CMYA5: variants seen among roughly 807,000 people sequenced by gnomAD.
CMYA5 encodes the protein cardiomyopathy-associated protein 5.
Under a neutral mutation model 318.9 loss-of-function variants are expected in CMYA5, and 246 were observed. That is an observed-to-expected ratio of 0.77 (90% confidence interval 0.70 to 0.86). CMYA5 has a LOEUF of 0.86. CMYA5 is among the 40% of genes least tolerant of loss of function. The pLI is 0.00. For synonymous variants in CMYA5, 1,641 were observed against 1,729.5 expected (o/e 0.95, Z 1.27); for missense variants, 4,589 against 4,678.2 (o/e 0.98, Z 0.56).
intron 1 of CMYA5, among the ~76,000 whole-genome samples, chr5:79,724,758 T>C (rs1010486965): frequency 5.9e-5 from 9 of 152,216 alleles, no homozygotes; most frequent in African/African-American, 2.2e-4. Flanking sequence ...ATTGTTTCTT[T>C]AGACTGAGTG....
At chr5:79,766,283 A>G (rs534755009) in intron 9 of CMYA5, among the ~76,000 whole-genome samples, 1 of 152,126 alleles carries the variant, frequency 6.6e-6, no homozygotes, top group Non-Finnish European at 1.5e-5. Context: ...GGGTATTTTT[A>G]GTAGAGACGG....
intron 1 of CMYA5, among the ~76,000 whole-genome samples, chr5:79,728,443 A>G (rs547277913): frequency 2.6e-5 from 4 of 151,620 alleles, no homozygotes; most frequent in Non-Finnish European, 5.9e-5. Context: ...AGAGTGGGGG[A>G]AAATGAGGTA....
In CMYA5 at chr5:79,745,406, A is replaced by T. The variant is rs1386262780; in HGVS notation, c.10919A>T (p.Glu3640Val). The change falls in exon 4 of 13, where the codon GAG (glutamate) becomes GTG (valine). Residue 3640 changes from glutamate (E) to valine (V), a missense_variant. Physicochemically the swap from Glu to Val is moderately radical, Grantham distance 121. Transcript: ENST00000446378. ...ATGGACACTGCCAAAGACACCCTGG[A>T]GACCATCGTGAGAGAAGCAGAGGAG... ...QSMDTAKDTLETIVREAEELD... is the reference protein window; with the variant it reads ...QSMDTAKDTLVTIVREAEELD... 3 of 1,613,864 alleles carry T rather than the reference A, an allele frequency of 1.9e-6. No individual in the cohort carries two copies. Among genetic ancestry groups the T allele is most frequent in the South Asian group, 2.2e-5 (2 of 91,090 alleles).
rs1294257271 is a variant in CMYA5, at chr5:79,786,973, C to T, written c.11556-1998C>T. On this transcript the variant is annotated intron_variant, in intron 9 of 12. Coordinates refer to ENST00000446378, the MANE Select transcript of CMYA5 (RefSeq NM_153610.5). Reference sequence around the variant, plus strand: ...CATGCACTGAAAGCAGGACGGATCCCATATTTTGACTTCAGTACCATGTAA... The same window carrying T: ...CATGCACTGAAAGCAGGACGGATCCTATATTTTGACTTCAGTACCATGTAA... Among the ~76,000 whole-genome samples, 4 of 152,284 alleles carry T rather than the reference C, an allele frequency of 2.6e-5. No homozygotes were observed. The East Asian group carries it at 7.7e-4, about 29-fold the overall frequency.
At chr5:79,757,002 G>A (rs1828542116) in intron 6 of CMYA5, among the ~76,000 whole-genome samples, 2 of 152,128 alleles carry the variant, frequency 1.3e-5, no homozygotes, top group South Asian at 4.1e-4. Flanking sequence ...AGACCAGCCT[G>A]GCCAACACGG....
At chr5:79,749,135 C>T (rs1828385963) in intron 5 of CMYA5, among the ~76,000 whole-genome samples, 1 of 152,026 alleles carries the variant, frequency 6.6e-6, no homozygotes, top group Non-Finnish European at 1.5e-5. Context: ...TTTCATTGTC[C>T]AGTTGACAGT....
At chr5:79,758,237 TA>T (rs201514962) in intron 6 of CMYA5, among the ~76,000 whole-genome samples, 1,792 of 130,864 alleles carry the variant, frequency 0.014, 22 homozygotes, top group Middle Eastern at 0.033. Context: ...CTCAACAGAT[TA>T]AAAAAAAAAA....
At chr5:79,758,953 A>T (rs1210467124) in intron 7 of CMYA5, 51 bp downstream of exon 7, 2 of 1,422,154 alleles carry the variant, frequency 1.4e-6, no homozygotes, top group Admixed American at 2.2e-5. Flanking sequence ...ATGCATCTTC[A>T]TGTGAAGTAT....
chr5:79,715,193 A>G (rs1228749223), intron 1 of CMYA5, among the ~76,000 whole-genome samples: 5 of 152,230 alleles, frequency 3.3e-5, no homozygotes, highest in Non-Finnish European at 5.9e-5. Flanking sequence ...ACTAAATCAA[A>G]TAATGAATCT....
intron 1 of CMYA5, among the ~76,000 whole-genome samples, chr5:79,702,137 G>A (rs568886654): frequency 4.6e-5 from 7 of 152,166 alleles, no homozygotes; most frequent in South Asian, 2.1e-4. Context: ...TGGGCTGGGT[G>A]CAGTGGCTCA....
rs1330174913 is a variant in CMYA5, at chr5:79,739,078, CA to C, written c.10314del (p.Glu3439LysfsTer57). On this transcript the variant is annotated frameshift_variant, in exon 2 of 13. Coordinates refer to ENST00000446378, the MANE Select transcript of CMYA5 (RefSeq NM_153610.5). LOFTEE classifies it high-confidence loss of function. ...GAAGTGGTTCCTCAAGACATATTATCAGAAGAACTGTCTTCAGAATCCACAC... is the reference window on the plus strand; with the variant it reads ...GAAGTGGTTCCTCAAGACATATTATCGAAGAACTGTCTTCAGAATCCACAC... ...HNEVVPQDIL[S>X]EELSSESTPE... 6.2e-7 allele frequency: 1 copy of C among 1,613,872 alleles called. No individual in the cohort carries two copies. The highest frequency in any genetic ancestry group is 1.1e-5 in the South Asian group (1 of 91,082).
intron 2 of CMYA5, among the ~76,000 whole-genome samples, chr5:79,741,879 C>G (rs2151089456): frequency 6.6e-6 from 1 of 151,846 alleles, no homozygotes; most frequent in East Asian, 1.9e-4. Context: ...AATTCTTGAT[C>G]TTCTCTAAAC....
rs779962521 is a variant in CMYA5 at position 79,730,406 on chromosome 5, C to T, written c.1641C>T (p.Phe547=). The T allele has an allele frequency of 1.2e-6, 2 of 1,613,836 alleles. No individual in the cohort carries two copies. The highest frequency in any genetic ancestry group is 1.7e-5 in the Admixed American group (1 of 60,026). ...PESPLVSEKP[F]PPHMSPEVEH... The stretch of plus-strand genomic sequence containing the variant: ...GCCCATTGGTTTCCGAGAAGCCCTT[C>T]CCACCACATATGTCCCCTGAAGTGG... The change falls in exon 2 of 13, where the codon TTC becomes TTT. Residue 547 remains phenylalanine, a synonymous_variant. Coordinates refer to ENST00000446378, the MANE Select transcript of CMYA5 (RefSeq NM_153610.5).
In CMYA5 at chr5:79,734,934, G is replaced by C. The variant is rs1467502128; in HGVS notation, c.6169G>C (p.Val2057Leu). The C allele has an allele frequency of 6.2e-7, 1 of 1,613,672 alleles. No homozygotes were observed. The highest frequency in any genetic ancestry group is 8.5e-7 in the Non-Finnish European group (1 of 1,179,802). The change falls in exon 2 of 13, where the codon GTG becomes CTG. Residue 2057 changes from valine (V) to leucine (L), a missense_variant. Transcript: ENST00000446378. ...FFQKPVSGLS[V>L]EQVKSETISS... is the part of the protein sequence containing the mutation. ...CCAGAAACCAGTGTCTGGCCTATCA[G>C]TGGAACAGGTGAAGTCAGAAACAAT...
At chr5:79,701,214 C>T (rs989421756) in intron 1 of CMYA5, among the ~76,000 whole-genome samples, 1 of 151,982 alleles carries the variant, frequency 6.6e-6, no homozygotes, top group African/African-American at 2.4e-5. Context: ...CGCCACTGCA[C>T]TCCAGAGCAA....
At position 79,730,167 on chromosome 5, in the gene CMYA5, C is replaced by T; in HGVS notation, c.1402C>T (p.Pro468Ser). 1.2e-6 allele frequency: 2 copies of T among 1,613,942 alleles called. No individual in the cohort carries two copies. The highest frequency in any genetic ancestry group is 1.7e-6 in the Non-Finnish European group (2 of 1,179,898). The change falls in exon 2 of 13, where the codon CCA (proline) becomes TCA (serine). Residue 468 changes from proline to serine, a missense_variant. Coordinates refer to ENST00000446378, the MANE Select transcript of CMYA5 (RefSeq NM_153610.5). ...CCTGACTTCAATAGAAAGGGCAGAA[C>T]CAGTCTCCGCAAAACTGACCCCTAC... is the stretch of plus-strand genomic sequence containing the variant. ...PDLTSIERAE[P>S]VSAKLTPTHP...
At position 79,736,992 on chromosome 5, in the gene CMYA5, G is replaced by A; in HGVS notation, c.8227G>A (p.Gly2743Arg). ...AGAGAACCACTCTTTGTCTCAGGAA[G>A]GAAATCTAGTGTTAGAAAAGTCAAG... ...EIENHSLSQE[G>R]NLVLEKSSRD... The change falls in exon 2 of 13, where the codon GGA becomes AGA. Residue 2743 changes from glycine (G) to arginine (R), a missense_variant. By Grantham distance (125) the Gly-to-Arg change is moderately radical (BLOSUM62 -2). Coordinates refer to ENST00000446378, the MANE Select transcript of CMYA5 (RefSeq NM_153610.5). 5 of 1,613,248 alleles carry A rather than the reference G, an allele frequency of 3.1e-6. No homozygotes were observed. The highest frequency in any genetic ancestry group is 3.4e-6 in the Non-Finnish European group (4 of 1,179,770).
rs533259797 is a variant in CMYA5 at position 79,787,295 on chromosome 5, A to G, written c.11556-1676A>G. On this transcript the variant is annotated intron_variant, in intron 9 of 12. Transcript: ENST00000446378. ...GGCACATGATAAGTGATCAATACAT[A>G]TTTATTTAGGGAGCAAATGAAGTCT... Among the ~76,000 whole-genome samples, 10 of 152,240 alleles carry G rather than the reference A, an allele frequency of 6.6e-5. No individual in the cohort carries two copies. In the South Asian group the frequency reaches 2.1e-3, roughly 32 times the overall value.
intron 9 of CMYA5, among the ~76,000 whole-genome samples, chr5:79,768,995 T>G (rs1262392055): frequency 6.6e-6 from 1 of 152,140 alleles, no homozygotes; most frequent in Non-Finnish European, 1.5e-5. Context: ...GTTTGTTCCT[T>G]TTCATTTTTT....
Sources: allele counts gnomAD v4.1 joint callset (sites outside exome capture counted in the v4.1 genomes callset), GRCh38; gene constraint gnomAD v4.1.1; transcripts MANE v1.5; gene names NCBI Gene and HGNC (gene_info 2026-07-23, HGNC 2026-07-21).